OR6F1: variants seen among roughly 807,000 people sequenced by gnomAD.
OR6F1 encodes the protein olfactory receptor family 6 subfamily F member 1, also known as olfactory receptor 6F1.
For missense variants in OR6F1, 346 were observed against 376.0 expected (o/e 0.92, Z 0.66); for synonymous variants, 144 against 150.0 (o/e 0.96, Z 0.29).
intron 1 of OR6F1, among the ~76,000 whole-genome samples, 171 bp downstream of exon 1, chr1:247,716,160 G>A (rs1660100775): frequency 1.3e-5 from 2 of 152,110 alleles, no homozygotes; most frequent in South Asian, 4.2e-4. Flanking sequence ...GCCTGAGGCA[G>A]GAGAATCATC....
In OR6F1 at chr1:247,713,685, T is replaced by G. The variant is rs74154283; in HGVS notation, c.-63+206A>C. Among the ~76,000 whole-genome samples the G allele has an allele frequency of 2.4e-3, 371 of 152,326 alleles. 1 individual carries two copies. Among genetic ancestry groups the G allele is most frequent in the African/African-American group, 8.6e-3 (359 of 41,574 alleles). Reference sequence around the variant, plus strand: ...GAGACAGAGTTTTGAAGAAAGACAGTGAAGACTTTGGCGGCTTCATTCTAG... The same window carrying G: ...GAGACAGAGTTTTGAAGAAAGACAGGGAAGACTTTGGCGGCTTCATTCTAG... On this transcript the variant is annotated intron_variant, in intron 2 of 2. Coordinates refer to ENST00000641470, the MANE Select transcript of OR6F1 (RefSeq NM_001005286.2).
intron 1 of OR6F1, among the ~76,000 whole-genome samples, chr1:247,715,049 T>TTAGCTTGCTTTTATCCTACTTGTTTCAC (rs1660082377): frequency 6.6e-6 from 1 of 152,214 alleles, no homozygotes; most frequent in Non-Finnish European, 1.5e-5. Flanking sequence ...GTAAATCCTG[T>TTAGCTTGCTTTTATCCTACTTGTTTCAC]TAGCTTGCTT....
intron 1 of OR6F1, among the ~76,000 whole-genome samples, chr1:247,714,807 G>A (rs982261215): frequency 1.3e-5 from 2 of 152,184 alleles, no homozygotes; most frequent in Non-Finnish European, 2.9e-5. Context: ...TAATATATTT[G>A]CAGATTTCTT....
Position 247,711,699 on chromosome 1 carries a change from T to G in OR6F1, c.*130A>C. 1 of 648,520 alleles carries G rather than the reference T, an allele frequency of 1.5e-6. No individual in the cohort carries two copies. Among genetic ancestry groups the G allele is most frequent in the Admixed American group, 2.6e-5 (1 of 38,290 alleles). 40.2% of individuals were successfully genotyped at this position (648,520 alleles called of 1,614,324 possible). On this transcript the variant is annotated 3_prime_UTR_variant, in exon 3 of 3. Coordinates refer to ENST00000641470, the MANE Select transcript of OR6F1 (RefSeq NM_001005286.2). ...TGATAATGTATAGAAAATACAGTAT[T>G]GCTTGTTTTGTTTGTTTGTTTTTTC...
intron 2 of OR6F1, 48 bp downstream of exon 2, chr1:247,713,843 G>T: frequency 5.0e-6 from 2 of 398,428 alleles, no homozygotes; most frequent in South Asian, 2.5e-4. Flanking sequence ...AGGGCATTTA[G>T]ACTATAAAAT....
rs1660000775 is a variant in OR6F1 at position 247,711,727 on chromosome 1, T to C, written c.*102A>G. The C allele has an allele frequency of 1.4e-6, 1 of 730,518 alleles. No homozygotes were observed. Among genetic ancestry groups the C allele is most frequent in the East Asian group, 2.5e-5 (1 of 40,426 alleles). 45.3% of individuals were successfully genotyped at this position (730,518 alleles called of 1,614,324 possible). A position where few individuals can be genotyped will look rare whatever the true frequency, so the allele number is the denominator to read the frequency against. ...TTGTTTTGTTTGTTTGTTTTTTCTC[T>C]GTGTACCAAGAAAGATTTGCCCTAT... On this transcript the variant is annotated 3_prime_UTR_variant, in exon 3 of 3. Transcript: ENST00000641470.
intron 2 of OR6F1, among the ~76,000 whole-genome samples, chr1:247,713,366 T>C (rs1369969968): frequency 6.6e-6 from 1 of 152,032 alleles, no homozygotes; most frequent in Non-Finnish European, 1.5e-5. Context: ...ATGAGTTTTG[T>C]CTTCTCTTGA....
chr1:247,712,367 A>T lies in OR6F1; in HGVS notation c.389T>A (p.Leu130Ter). 1 of 1,614,174 alleles carries T rather than the reference A, an allele frequency of 6.2e-7. No homozygotes were observed. Among genetic ancestry groups the T allele is most frequent in the Non-Finnish European group, 8.5e-7 (1 of 1,179,992 alleles). The change falls in exon 3 of 3, where the codon TTA becomes TAA. Residue 130 changes from leucine (L) to a stop codon, truncating the protein, a stop_gained. Transcript: ENST00000641470. LOFTEE classifies it low-confidence loss of function (END_TRUNC). ...YDRCLAICYP[L>*]HYGAIMSSLL... ...GCTACTCATGATGGCTCCGTAGTGTAAAGGATAGCAGATGGCAAGACAGCG... is the reference window on the plus strand; with the variant it reads ...GCTACTCATGATGGCTCCGTAGTGTTAAGGATAGCAGATGGCAAGACAGCG...
Position 247,712,730 on chromosome 1 carries a change from G to A in OR6F1, c.26C>T (p.Pro9Leu), listed in dbSNP as rs753910801. MDTGNKTL[P>L]QDFLLLGFPG... The stretch of plus-strand genomic sequence containing the variant: ...AAAGCCCAGTAAGAGAAAGTCCTGG[G>A]GCAGAGTTTTGTTGCCTGTGTCCAT... The change falls in exon 3 of 3, where the codon CCC (proline) becomes CTC (leucine). Residue 9 changes from proline (P) to leucine (L), a missense_variant. Coordinates refer to ENST00000641470, the MANE Select transcript of OR6F1 (RefSeq NM_001005286.2). 1 of 1,593,744 alleles carries A rather than the reference G, an allele frequency of 6.3e-7. No homozygotes were observed. The highest frequency in any genetic ancestry group is 1.1e-5 in the South Asian group (1 of 90,928).
At position 247,712,544 on chromosome 1, in the gene OR6F1, A is replaced by T; in HGVS notation, c.212T>A (p.Ile71Asn). The T allele has an allele frequency of 1.2e-6, 2 of 1,613,678 alleles. No homozygotes were observed. The highest frequency in any genetic ancestry group is 1.7e-6 in the Non-Finnish European group (2 of 1,179,564). Residue 71 changes from isoleucine (I) to asparagine (N), a missense_variant, in exon 3 of 3, where the codon ATT (isoleucine) becomes AAT (asparagine). Ile to Asn is a moderately radical substitution (Grantham distance 149). Transcript: ENST00000641470. ...FFLSNLSFLE[I>N]WYTTAAVPKA... The stretch of plus-strand genomic sequence containing the variant: ...GGGCACTGCTGCTGTGGTATACCAA[A>T]TCTCCAGGAAGGAGAGGTTGCTCAG...
intron 2 of OR6F1, among the ~76,000 whole-genome samples, chr1:247,713,061 T>C (rs1229049583): frequency 6.6e-6 from 1 of 152,222 alleles, no homozygotes; most frequent in Non-Finnish European, 1.5e-5. Flanking sequence ...AGCTCCAAGA[T>C]TCAACTCCAG....
chr1:247,714,774 GTTCT>G (rs971595663), intron 1 of OR6F1, among the ~76,000 whole-genome samples: 14 of 152,138 alleles, frequency 9.2e-5, no homozygotes, highest in African/African-American at 3.1e-4. Flanking sequence ...AAGAAAGGGT[GTTCT>G]TTAACAATAA....
intron 1 of OR6F1, among the ~76,000 whole-genome samples, chr1:247,715,214 G>A (rs536248552): frequency 1.2e-3 from 183 of 152,230 alleles, no homozygotes; most frequent in Non-Finnish European, 2.1e-3. Context: ...AGGTTCCTAC[G>A]GCATCTGATT....
rs1449506506 is a variant in OR6F1 at position 247,712,525 on chromosome 1, T to G, written c.231A>C (p.Ala77=). ...SFLEIWYTTA[A]VPKALAILLG... is the part of the protein sequence containing the mutation. ...GTAGGATGGCCAGTGCTTTGGGCACTGCTGCTGTGGTATACCAAATCTCCA... is the reference window on the plus strand; with the variant it reads ...GTAGGATGGCCAGTGCTTTGGGCACGGCTGCTGTGGTATACCAAATCTCCA... The change falls in exon 3 of 3, where the codon GCA becomes GCC. Residue 77 remains alanine (A), a synonymous_variant. Transcript: ENST00000641470. The G allele has an allele frequency of 1.2e-6, 2 of 1,613,936 alleles. No homozygotes were observed. Among genetic ancestry groups the G allele is most frequent in the Non-Finnish European group, 1.7e-6 (2 of 1,179,754 alleles).
intron 1 of OR6F1, among the ~76,000 whole-genome samples, chr1:247,715,564 C>T (rs1310734991): frequency 2.0e-5 from 3 of 152,216 alleles, no homozygotes; most frequent in South Asian, 2.1e-4. Flanking sequence ...GCTCTAGACT[C>T]GAGTGTTTCT....
chr1:247,714,083 T>C, intron 1 of OR6F1, 129 bp from the exon 2 acceptor site: 1 of 397,132 alleles, frequency 2.5e-6, no homozygotes. Flanking sequence ...ATCTAGCATC[T>C]TTCTCATTTT....
In OR6F1 at chr1:247,716,556, A is replaced by C. The variant is rs1210368403; in HGVS notation, c.-352T>G. The C allele has an allele frequency of 2.6e-5, 4 of 152,160 alleles. No individual in the cohort carries two copies. The highest frequency in any genetic ancestry group is 2.0e-4 in the Admixed American group (3 of 15,268). 9.4% of individuals were successfully genotyped at this position (152,160 alleles called of 1,614,324 possible). On this transcript the variant is annotated 5_prime_UTR_variant, in exon 1 of 3. The change creates a new upstream start codon in the 5' untranslated region. Coordinates refer to ENST00000641470, the MANE Select transcript of OR6F1 (RefSeq NM_001005286.2). The stretch of plus-strand genomic sequence containing the variant: ...TAACTCAAACTTTCATAATCTTTGA[A>C]ATTAGAGCTCAGTCTTTTTCTGTTT...
At chr1:247,715,556 T>C (rs1378295372) in intron 1 of OR6F1, among the ~76,000 whole-genome samples, 1 of 152,206 alleles carries the variant, frequency 6.6e-6, no homozygotes, top group Non-Finnish European at 1.5e-5. Flanking sequence ...TATATATTGC[T>C]CTAGACTCGA....
rs1660108261 is a variant in OR6F1 at position 247,716,539 on chromosome 1, A to G, written c.-335T>C. ...ATCCATTACTCCTTTATTAACTCAA[A>G]CTTTCATAATCTTTGAAATTAGAGC... On this transcript the variant is annotated 5_prime_UTR_variant, in exon 1 of 3. Transcript: ENST00000641470. 1 of 151,924 alleles carries G rather than the reference A, an allele frequency of 6.6e-6. No homozygotes were observed. The highest frequency in any genetic ancestry group is 2.4e-5 in the African/African-American group (1 of 41,356). The allele number at this position is 151,924 out of a possible 1,614,324, so 9.4% of individuals were successfully genotyped here.
Sources: gnomAD v4.1 joint callset for allele counts (sites outside exome capture counted in the v4.1 genomes callset) on GRCh38, gnomAD v4.1.1 for gene constraint, MANE v1.5 for transcripts, NCBI Gene and HGNC (gene_info 2026-07-23, HGNC 2026-07-21) for gene names.